The following PPIP5K2 variants were observed in gnomAD, a reference collection of about 807,000 sequenced individuals.
The protein encoded by PPIP5K2 is inositol hexakisphosphate and diphosphoinositol-pentakisphosphate kinase 2.
PPIP5K2 carries 105 observed loss-of-function variants against 154.6 expected under a neutral mutation model. The ratio of observed to expected loss-of-function variants is 0.68; its 90% confidence interval spans 0.58 to 0.80. PPIP5K2 has a LOEUF of 0.80. Among genes scored for constraint, PPIP5K2 ranks in the 30% least tolerant of loss-of-function variants. The probability of loss-of-function intolerance (pLI) is 0.00; values close to 1 mark genes in which losing one functional copy is unlikely to be tolerated. For synonymous variants in PPIP5K2, 480 were observed against 490.3 expected (o/e 0.98, Z 0.28); for missense variants, 992 against 1,504.6 (o/e 0.66, Z 5.64).
At chr5:103,146,452 C>T in intron 5 of PPIP5K2, 75 bp from the exon 6 acceptor site, 2 of 1,419,930 alleles carry the variant, frequency 1.4e-6, no homozygotes, top group Non-Finnish European at 1.9e-6. Flanking sequence ...GTGAAAAAGT[C>T]CTCGATAATA....
intron 17 of PPIP5K2, among the ~76,000 whole-genome samples, chr5:103,162,539 T>C (rs1440782829): frequency 6.6e-6 from 1 of 151,908 alleles, no homozygotes; most frequent in African/African-American, 2.4e-5. Flanking sequence ...ACTTTTTAAA[T>C]TTTTGTAGAG....
intron 14 of PPIP5K2, among the ~76,000 whole-genome samples, 170 bp downstream of exon 14, chr5:103,156,164 A>G (rs1204930990): frequency 2.0e-5 from 3 of 152,226 alleles, no homozygotes; most frequent in Admixed American, 6.5e-5. Context: ...AAAGGATACA[A>G]TTTTAAAATT....
chr5:103,175,249 G>A lies in PPIP5K2; in HGVS notation c.2529+1277G>A, dbSNP rs533713291. On this transcript the variant is annotated intron_variant, in intron 21 of 30. Coordinates refer to ENST00000358359, the MANE Select transcript of PPIP5K2 (RefSeq NM_001276277.3). ...GTCCTTGAGAGTAATTATTATCAAA[G>A]TGATCCTAAGGGTGTTTCAAAGTTC... Among the ~76,000 whole-genome samples, 192 of 152,184 alleles carry A rather than the reference G, an allele frequency of 1.3e-3. 1 individual carries two copies. Among genetic ancestry groups the A allele is most frequent in the East Asian group, 1.2e-3 (6 of 5,170 alleles).
Position 103,204,502 on chromosome 5 carries a change from T to A in PPIP5K2, c.*2868T>A, listed in dbSNP as rs1431713999. 1 of 152,162 alleles carries A rather than the reference T, an allele frequency of 6.6e-6. No homozygotes were observed. Among genetic ancestry groups the A allele is most frequent in the Non-Finnish European group, 1.5e-5 (1 of 68,070 alleles). The allele number at this position is 152,162 out of a possible 1,614,324, so 9.4% of individuals were successfully genotyped here. Reference sequence around the variant, plus strand: ...TTCTGTCACCCCAGCTGGAGTGCAGTGGCACAGTCTTAATTCACTACAGCC... The same window carrying A: ...TTCTGTCACCCCAGCTGGAGTGCAGAGGCACAGTCTTAATTCACTACAGCC... On this transcript the variant is annotated 3_prime_UTR_variant, in exon 31 of 31. Coordinates refer to ENST00000358359, the MANE Select transcript of PPIP5K2 (RefSeq NM_001276277.3).
At chr5:103,171,796 A>C (rs1256760585) in intron 19 of PPIP5K2, among the ~76,000 whole-genome samples, 1 of 151,666 alleles carries the variant, frequency 6.6e-6, no homozygotes, top group Non-Finnish European at 1.5e-5. Context: ...TAGCAAATAC[A>C]TTCTTTATGA....
chr5:103,183,405 C>T lies in PPIP5K2; in HGVS notation c.3094C>T (p.Gln1032Ter). Residue 1032 changes from glutamine to a stop codon, truncating the protein, a stop_gained and splice_region_variant, in exon 25 of 31, where the codon CAG becomes TAG. Transcript: ENST00000358359. LOFTEE classifies it high-confidence loss of function. Reference protein sequence around the residue: ...FTSSIFGSWQQVVSENANYLR... With the variant: ...FTSSIFGSWQ ...ATCCAGTATTTTTGGCTCATGGCAA[C>T]AGGTTTTTAAACTTTACTTCATTAA... is the stretch of plus-strand genomic sequence containing the variant. 1 of 1,606,776 alleles carries T rather than the reference C, an allele frequency of 6.2e-7. No individual in the cohort carries two copies. Among genetic ancestry groups the T allele is most frequent in the South Asian group, 1.1e-5 (1 of 90,146 alleles).
chr5:103,179,113 GA>G (rs1397017716), intron 23 of PPIP5K2, among the ~76,000 whole-genome samples: 1 of 151,884 alleles, frequency 6.6e-6, no homozygotes, highest in Non-Finnish European at 1.5e-5. Flanking sequence ...TAGATTTAGT[GA>G]TAGTGGACAT....
chr5:103,181,192 C>T (rs1283026396), intron 24 of PPIP5K2, among the ~76,000 whole-genome samples: 2 of 152,036 alleles, frequency 1.3e-5, no homozygotes, highest in Non-Finnish European at 2.9e-5. Flanking sequence ...TTGGGGTTAT[C>T]TCTGTTTTCT....
At chr5:103,150,361 A>T (rs1794427212) in intron 8 of PPIP5K2, among the ~76,000 whole-genome samples, 1 of 152,242 alleles carries the variant, frequency 6.6e-6, no homozygotes, top group African/African-American at 2.4e-5. Context: ...TAAAATGTAG[A>T]TCAGAAAGTT....
intron 28 of PPIP5K2, among the ~76,000 whole-genome samples, chr5:103,187,831 G>A (rs1266831338): frequency 6.6e-6 from 1 of 152,072 alleles, no homozygotes; most frequent in Non-Finnish European, 1.5e-5. Context: ...ATGTGTCTTT[G>A]AAAAATTCCT....
At chr5:103,199,253 C>T (rs539847814) in intron 30 of PPIP5K2, among the ~76,000 whole-genome samples, 1 of 152,222 alleles carries the variant, frequency 6.6e-6, no homozygotes, top group African/African-American at 2.4e-5. Flanking sequence ...TCTATTCCTT[C>T]CTTGAAGTCT....
chr5:103,195,557 T>C (rs2149825045), intron 30 of PPIP5K2, among the ~76,000 whole-genome samples: 1 of 152,300 alleles, frequency 6.6e-6, no homozygotes, highest in African/African-American at 2.4e-5. Context: ...TATTAGCATT[T>C]TTCTACTTTA....
chr5:103,150,520 C>G (rs1181276298), intron 8 of PPIP5K2, among the ~76,000 whole-genome samples: 1 of 152,142 alleles, frequency 6.6e-6, no homozygotes, highest in Admixed American at 6.5e-5. Flanking sequence ...CACCCATAAT[C>G]CCAGCACTTT....
chr5:103,143,976 G>GA (rs1453072871), intron 5 of PPIP5K2, among the ~76,000 whole-genome samples: 3 of 150,574 alleles, frequency 2.0e-5, no homozygotes, highest in Non-Finnish European at 3.0e-5. Context: ...CATCCAAATT[G>GA]AAAAAAAAGG....
intron 16 of PPIP5K2, 120 bp from the exon 17 acceptor site, chr5:103,159,024 AGT>A (rs1554214711): frequency 6.5e-5 from 42 of 644,544 alleles, no homozygotes; most frequent in Middle Eastern, 4.3e-4. Flanking sequence ...AATGAACTGT[AGT>A]ATTAATAAAG....
At chr5:103,197,548 G>T in intron 30 of PPIP5K2, among the ~76,000 whole-genome samples, 3 of 140,088 alleles carry the variant, frequency 2.1e-5, no homozygotes, top group South Asian at 4.7e-4. Context: ...TATTTCTGTT[G>T]GTTTTATGTT....
chr5:103,209,661 G>A lies in PPIP5K2; in HGVS notation c.*8027G>A, dbSNP rs1803698385. On this transcript the variant is annotated 3_prime_UTR_variant, in exon 31 of 31. Coordinates refer to ENST00000358359, the MANE Select transcript of PPIP5K2 (RefSeq NM_001276277.3). ...AAAAGGAAAAATGAATATGCCTTCA[G>A]AAAGTTTTTTGCTGCTTTTAAAAGC... The A allele has an allele frequency of 6.6e-6, 1 of 152,142 alleles. No homozygotes were observed. The highest frequency in any genetic ancestry group is 6.6e-5 in the Admixed American group (1 of 15,266). The allele number at this position is 152,142 out of a possible 1,614,324, so 9.4% of individuals were successfully genotyped here.
chr5:103,134,694 C>T (rs1333655433), intron 3 of PPIP5K2, among the ~76,000 whole-genome samples: 4 of 152,146 alleles, frequency 2.6e-5, no homozygotes, highest in South Asian at 2.1e-4. Context: ...TAGCTAATGT[C>T]ATATTCCACA....
At chr5:103,143,488 G>A (rs540258934) in intron 5 of PPIP5K2, among the ~76,000 whole-genome samples, 1 of 152,276 alleles carries the variant, frequency 6.6e-6, no homozygotes, top group Non-Finnish European at 1.5e-5. Context: ...AAATCACTTT[G>A]CCACAAAGGA....
Sources: allele counts gnomAD v4.1 joint callset (sites outside exome capture counted in the v4.1 genomes callset), GRCh38; gene constraint gnomAD v4.1.1; transcripts MANE v1.5; gene names NCBI Gene and HGNC (gene_info 2026-07-23, HGNC 2026-07-21).